Variants in NLGN1 observed in about 807,000 individuals in gnomAD.
NLGN1 encodes the protein neuroligin 1.
NLGN1 carries 12 observed loss-of-function variants against 65.5 expected under a neutral mutation model. The ratio of observed to expected loss-of-function variants is 0.18; its 90% CI spans 0.12 to 0.30. The LOEUF (loss-of-function observed/expected upper bound fraction) is 0.30. Among genes scored for constraint, NLGN1 ranks in the 10% least tolerant of loss-of-function variants. The pLI is 1.00. For synonymous variants in NLGN1, 350 were observed against 359.5 expected (o/e 0.97, Z 0.30); for missense variants, 750 against 1,007.1 (o/e 0.74, Z 3.46).
At chr3:173,973,063 C>T (rs1327660297) in intron 4 of NLGN1, among the ~76,000 whole-genome samples, 3 of 152,114 alleles carry the variant, frequency 2.0e-5, no homozygotes, top group East Asian at 1.9e-4. Flanking sequence ...CTCCTTGTCT[C>T]AGTTTCTTCA....
At chr3:174,259,109 CA>C (rs1333021952) in intron 4 of NLGN1, among the ~76,000 whole-genome samples, 1 of 151,976 alleles carries the variant, frequency 6.6e-6, no homozygotes, top group Non-Finnish European at 1.5e-5. Context: ...TTTATCCTCT[CA>C]AAAAATCTTA....
chr3:173,526,999 A>G (rs1735754029), intron 2 of NLGN1, among the ~76,000 whole-genome samples: 1 of 152,154 alleles, frequency 6.6e-6, no homozygotes, highest in African/African-American at 2.4e-5. Context: ...TCATCTCCTA[A>G]TGGACACTTA....
At chr3:173,661,705 G>T (rs1760951994) in intron 3 of NLGN1, among the ~76,000 whole-genome samples, 1 of 151,926 alleles carries the variant, frequency 6.6e-6, no homozygotes, top group Non-Finnish European at 1.5e-5. Flanking sequence ...TCTTAATAAA[G>T]TTACAATTCA....
chr3:173,992,838 C>A (rs143853288), intron 4 of NLGN1, among the ~76,000 whole-genome samples: 4 of 152,184 alleles, frequency 2.6e-5, no homozygotes, highest in Admixed American at 1.3e-4. Flanking sequence ...AATAATACAG[C>A]AATATTTGTG....
At chr3:173,700,178 T>C (rs1430375836) in intron 3 of NLGN1, among the ~76,000 whole-genome samples, 4 of 152,232 alleles carry the variant, frequency 2.6e-5, no homozygotes, top group African/African-American at 4.8e-5. Context: ...TTATTGTTAA[T>C]TGTATATCTA....
intron 1 of NLGN1, among the ~76,000 whole-genome samples, chr3:173,417,078 T>A (rs2148674115): frequency 6.6e-6 from 1 of 152,218 alleles, no homozygotes; most frequent in South Asian, 2.1e-4. Flanking sequence ...TACTTGGAAT[T>A]AATAATGCAT....
intron 4 of NLGN1, among the ~76,000 whole-genome samples, chr3:174,231,408 A>C (rs1740679399): frequency 6.6e-6 from 1 of 152,138 alleles, no homozygotes; most frequent in South Asian, 2.1e-4. Context: ...ACTTCTTTGA[A>C]TGCAGTTTGA....
intron 3 of NLGN1, among the ~76,000 whole-genome samples, chr3:173,647,044 A>G (rs78491104): frequency 0.014 from 2,199 of 152,314 alleles, 27 homozygotes; most frequent in Non-Finnish European, 0.021. Flanking sequence ...GGCTATGTTA[A>G]TATCAGTTAT....
intron 1 of NLGN1, among the ~76,000 whole-genome samples, chr3:173,410,281 G>T (rs1308573462): frequency 1.3e-5 from 2 of 152,186 alleles, no homozygotes; most frequent in East Asian, 3.8e-4. Context: ...AAAATGTTCA[G>T]AAGTGTTTGC....
At chr3:173,669,177 A>C (rs1236096995) in intron 3 of NLGN1, among the ~76,000 whole-genome samples, 1 of 152,222 alleles carries the variant, frequency 6.6e-6, no homozygotes, top group Non-Finnish European at 1.5e-5. Context: ...AGGTAGAATG[A>C]CTTGAAGAGA....
rs1025631399 is a variant in NLGN1 at position 173,636,219 on chromosome 3, G to A, written c.493+31128G>A. ...TGTCTGTCATTCCTCCTACCCCACC[G>A]CTGCTGCATCCCTGCACAGAACTCT... is the stretch of plus-strand genomic sequence containing the variant. On this transcript the variant is annotated intron_variant, in intron 3 of 6. Coordinates refer to ENST00000457714, the Ensembl canonical transcript of NLGN1. Among the ~76,000 whole-genome samples, 4 of 151,956 alleles carry A rather than the reference G, an allele frequency of 2.6e-5. No individual in the cohort carries two copies. The East Asian group carries it at 5.8e-4, about 22-fold the overall frequency.
chr3:173,879,496 G>A (rs964662962), intron 4 of NLGN1, among the ~76,000 whole-genome samples: 22 of 152,228 alleles, frequency 1.4e-4, no homozygotes, highest in African/African-American at 5.3e-4. Flanking sequence ...TTAATGCTGA[G>A]CATGGTTTTC....
chr3:174,104,521 A>T (rs920978220), intron 4 of NLGN1, among the ~76,000 whole-genome samples: 1 of 152,192 alleles, frequency 6.6e-6, no homozygotes, highest in Non-Finnish European at 1.5e-5. Context: ...TAAGTATCTT[A>T]TAATACTTGT....
chr3:173,773,778 AAT>A (rs1321211183), intron 3 of NLGN1, among the ~76,000 whole-genome samples: 2 of 152,214 alleles, frequency 1.3e-5, no homozygotes, highest in African/African-American at 4.8e-5. Flanking sequence ...TATAAATAAA[AAT>A]AGTTATTTCA....
intron 4 of NLGN1, among the ~76,000 whole-genome samples, chr3:174,260,198 C>G (rs1475130183): frequency 1.3e-5 from 2 of 150,642 alleles, no homozygotes; most frequent in African/African-American, 4.9e-5. Context: ...GGGTATATAC[C>G]CAGTAATGGG....
intron 4 of NLGN1, among the ~76,000 whole-genome samples, chr3:174,070,249 A>G (rs754850036): frequency 7.2e-5 from 11 of 152,146 alleles, no homozygotes; most frequent in Non-Finnish European, 1.6e-4. Flanking sequence ...TATTAAAATG[A>G]GAATAAAAGC....
At chr3:174,188,774 A>G (rs990413038) in intron 4 of NLGN1, among the ~76,000 whole-genome samples, 8 of 151,958 alleles carry the variant, frequency 5.3e-5, no homozygotes, top group South Asian at 2.1e-4. Context: ...TTGATATTCT[A>G]TTTTCCAGAT....
intron 2 of NLGN1, among the ~76,000 whole-genome samples, chr3:173,603,065 T>C (rs1451440569): frequency 6.6e-6 from 1 of 152,132 alleles, no homozygotes; most frequent in African/African-American, 2.4e-5. Context: ...TGCTGCCCTA[T>C]ATAGTTTTTA....
chr3:174,018,397 G>C (rs949662167), intron 4 of NLGN1, among the ~76,000 whole-genome samples: 5 of 152,086 alleles, frequency 3.3e-5, no homozygotes, highest in African/African-American at 1.2e-4. Flanking sequence ...TATTGATTGG[G>C]GAAGTGATAA....
Sources: gnomAD v4.1 joint callset for allele counts (sites outside exome capture counted in the v4.1 genomes callset) on GRCh38, gnomAD v4.1.1 for gene constraint, MANE v1.5 for transcripts, NCBI Gene and HGNC (gene_info 2026-07-23, HGNC 2026-07-21) for gene names.